RELB: variants seen among roughly 807,000 people sequenced by gnomAD.
RELB encodes transcription factor RelB.
RELB carries 14 observed loss-of-function variants against 55.4 expected under a neutral mutation model. That is an observed-to-expected ratio of 0.25 (90% CI 0.17 to 0.40). The LOEUF (loss-of-function observed/expected upper bound fraction) is 0.40. Among genes scored for constraint, RELB ranks in the 10% least tolerant of loss-of-function variants. RELB has a pLI of 1.00. For missense variants in RELB, 669 were observed against 830.7 expected (o/e 0.81, Z 2.39); for synonymous variants, 409 against 371.3 (o/e 1.10, Z -1.17).
rs764658390 is a variant in RELB at position 45,037,792 on chromosome 19, C to G, written c.*2C>G. The G allele has an allele frequency of 6.8e-5, 100 of 1,479,556 alleles. No individual in the cohort carries two copies. Among genetic ancestry groups the G allele is most frequent in the Non-Finnish European group, 8.3e-5 (93 of 1,118,556 alleles). The allele number at this position is 1,479,556 out of a possible 1,614,324, so 91.7% of individuals were successfully genotyped here. A position where few individuals can be genotyped will look rare whatever the true frequency, so the allele number is the denominator to read the frequency against. On this transcript the variant is annotated 3_prime_UTR_variant, in exon 12 of 12. Transcript: ENST00000221452. ...TCCCCGGGGCCTGAAGCCACGTAGC[C>G]CCGCGATGCCAGAGGAGGGGCACTG... is the stretch of plus-strand genomic sequence containing the variant.
At chr19:45,009,921 T>G in intron 3 of RELB, 99 bp downstream of exon 3, 2 of 1,164,568 alleles carry the variant, frequency 1.7e-6, no homozygotes, top group Non-Finnish European at 2.5e-6. Flanking sequence ...GGGGGAGAGG[T>G]GTCACTGTGT....
intron 5 of RELB, among the ~76,000 whole-genome samples, chr19:45,023,458 G>A (rs1257253077): frequency 1.5e-5 from 2 of 135,598 alleles, no homozygotes; most frequent in African/African-American, 5.2e-5. Context: ...CTTTCTTTCA[G>A]ACAGAGTCTC....
chr19:45,023,426 T>TTCCTTCCTTCCG (rs1276193825), intron 5 of RELB, among the ~76,000 whole-genome samples: 1 of 151,496 alleles, frequency 6.6e-6, no homozygotes, highest in Non-Finnish European at 1.5e-5. Context: ...CCTTCCTTCC[T>TTCCTTCCTTCCG]TCCTTCCGTC....
intron 7 of RELB, among the ~76,000 whole-genome samples, chr19:45,028,377 G>C (rs1490759481): frequency 6.6e-6 from 1 of 151,686 alleles, no homozygotes. Context: ...GTTTTGAGAC[G>C]GAGTTTTCCT....
rs116559951 is a variant in RELB, at chr19:45,006,244, G to A, written c.154+3248G>A. ...TTTGGAGGCAGAGTCTCATTCTGTCGCCTACACTGGAGTGCGGTGGCGTGA... is the reference window on the plus strand; with the variant it reads ...TTTGGAGGCAGAGTCTCATTCTGTCACCTACACTGGAGTGCGGTGGCGTGA... On this transcript the variant is annotated intron_variant, in intron 2 of 11. Coordinates refer to ENST00000221452, the MANE Select transcript of RELB (RefSeq NM_006509.4). Among the ~76,000 whole-genome samples, 1,402 of 152,160 alleles carry A rather than the reference G, an allele frequency of 9.2e-3. 24 individuals carry two copies. Among genetic ancestry groups the A allele is most frequent in the African/African-American group, 0.032 (1,312 of 41,516 alleles).
intron 2 of RELB, among the ~76,000 whole-genome samples, chr19:45,007,612 C>G (rs567845134): frequency 6.6e-6 from 1 of 152,234 alleles, no homozygotes; most frequent in East Asian, 1.9e-4. Context: ...AATCCCAGCA[C>G]TTTGGGAGGC....
rs565028433 is a variant in RELB, at chr19:45,029,447, T to G, written c.991+455T>G. The stretch of plus-strand genomic sequence containing the variant: ...AAAAAAGACAGCTGGTCACCGTGGC[T>G]CAAGCCTGTAATCCCAGCAATTTGG... On this transcript the variant is annotated intron_variant, in intron 8 of 11. Transcript: ENST00000221452. 4.6e-5 allele frequency among the ~76,000 whole-genome samples: 7 copies of G among 151,246 alleles called. No homozygotes were observed. In the South Asian group the frequency reaches 1.5e-3, roughly 32 times the overall value.
At chr19:45,014,168 CTTTT>C (rs113601074) in intron 4 of RELB, among the ~76,000 whole-genome samples, 14,347 of 126,664 alleles carry the variant, frequency 0.11, 696 homozygotes, top group Admixed American at 0.16. Context: ...ATTTCTAAGG[CTTTT>C]TTTTTTTTTT....
At chr19:45,031,458 A>G (rs1971619914) in intron 8 of RELB, among the ~76,000 whole-genome samples, 1 of 152,042 alleles carries the variant, frequency 6.6e-6, no homozygotes, top group African/African-American at 2.4e-5. Flanking sequence ...TGTGCCTGGT[A>G]TCCTTTTGCC....
At chr19:45,010,036 A>G (rs1971330544) in intron 3 of RELB, among the ~76,000 whole-genome samples, 1 of 152,054 alleles carries the variant, frequency 6.6e-6, no homozygotes, top group African/African-American at 2.4e-5. Context: ...TGTGTGACTC[A>G]CACCTGTAAT....
chr19:45,021,103 G>C (rs1051559194), intron 4 of RELB, among the ~76,000 whole-genome samples: 1 of 152,076 alleles, frequency 6.6e-6, no homozygotes, highest in Non-Finnish European at 1.5e-5. Context: ...TGAGCCCGGA[G>C]GCGGAGGTTG....
chr19:45,003,474 CAAAAAAAAAA>C (rs55717847), intron 2 of RELB: 61 of 343,934 alleles, frequency 1.8e-4, no homozygotes, highest in East Asian at 2.4e-4. Context: ...GACTCCGACT[CAAAAAAAAAA>C]AAAAAAAAAA....
chr19:45,003,456 C>G, intron 2 of RELB: 1 of 435,568 alleles, frequency 2.3e-6, no homozygotes, highest in Non-Finnish European at 4.3e-6. Flanking sequence ...GCCTGGGAGA[C>G]AGAGCGAGAC....
rs1971638649 is a variant in RELB, at chr19:45,032,657, T to C, written c.1115T>C (p.Val372Ala). 1.2e-6 allele frequency: 2 copies of C among 1,612,362 alleles called. No homozygotes were observed. The highest frequency in any genetic ancestry group is 1.7e-6 in the Non-Finnish European group (2 of 1,179,300). Residue 372 changes from valine (V) to alanine (A), a missense_variant, in exon 9 of 12, where the codon GTC becomes GCC. This residue lies in a region of RELB where 341 missense variants were observed against 436.8 expected (regional missense o/e 0.78). Coordinates refer to ENST00000221452, the MANE Select transcript of RELB (RefSeq NM_006509.4). ...CCGCCCTACGAGGACCTGGAGATTG[T>C]CGAGCCCGTGACAGTCAACGTCTTC... ...KTPPYEDLEI[V>A]EPVTVNVFLQ...
At chr19:45,013,071 A>G (rs1971382453) in intron 4 of RELB, among the ~76,000 whole-genome samples, 1 of 150,728 alleles carries the variant, frequency 6.6e-6, no homozygotes, top group Non-Finnish European at 1.5e-5. Context: ...AAACAAATAT[A>G]TATAACACTG....
At chr19:45,025,078 T>G (rs1196462176) in intron 5 of RELB, among the ~76,000 whole-genome samples, 1 of 151,662 alleles carries the variant, frequency 6.6e-6, no homozygotes, top group Non-Finnish European at 1.5e-5. Flanking sequence ...ATGCTGGTCT[T>G]GAACTACTGA....
In RELB at chr19:45,034,290, C is replaced by T. The variant is rs1420149808; in HGVS notation, c.1254C>T (p.Val418=). The stretch of plus-strand genomic sequence containing the variant: ...AGCGGAAACGGGGGATGCCCGACGT[C>T]CTTGGGGAGCTGAACAGCTCTGGTG... ...DKKRKRGMPD[V]LGELNSSDPH... is the part of the protein sequence containing the mutation. Residue 418 remains valine (V), a synonymous_variant, in exon 10 of 12, where the codon GTC becomes GTT. Transcript: ENST00000221452. 6.2e-7 allele frequency: 1 copy of T among 1,613,996 alleles called. No homozygotes were observed. Among genetic ancestry groups the T allele is most frequent in the Non-Finnish European group, 8.5e-7 (1 of 1,179,868 alleles).
At position 45,037,560 on chromosome 19, in the gene RELB, C is replaced by T; in HGVS notation, c.1510C>T (p.Leu504=). The change falls in exon 12 of 12, where the codon CTG becomes TTG. Residue 504 remains leucine, a synonymous_variant. Transcript: ENST00000221452. ...TAPTLFTMLD[L]LPPAPPHASA... ...CCCCACACTCTTCACCATGCTGGAC[C>T]TGCTGCCCCCGGCACCGCCACACGC... 6.2e-7 allele frequency: 1 copy of T among 1,612,998 alleles called. No homozygotes were observed.
chr19:45,030,353 C>T (rs749749625), intron 8 of RELB, among the ~76,000 whole-genome samples: 7 of 151,960 alleles, frequency 4.6e-5, no homozygotes, highest in African/African-American at 1.7e-4. Flanking sequence ...GGCATTAGGC[C>T]GGCTGTGGTG....
Sources: gnomAD v4.1 joint callset for allele counts (sites outside exome capture counted in the v4.1 genomes callset) on GRCh38, gnomAD v4.1.1 for gene constraint, gnomAD v4.1.1 regional missense constraint, MANE v1.5 for transcripts, NCBI Gene and HGNC (gene_info 2026-07-23, HGNC 2026-07-21) for gene names.